The following TANGO2 variants were observed in gnomAD, a reference collection of about 807,000 sequenced individuals.
TANGO2 encodes transport and Golgi organization protein 2 homolog.
Under a neutral mutation model 39.1 loss-of-function variants are expected in TANGO2, and 26 were observed. That is an observed-to-expected ratio of 0.67 (90% CI 0.49 to 0.92). The LOEUF is 0.92. Among genes scored for constraint, TANGO2 ranks in the 40% least tolerant of loss-of-function variants. The probability of loss-of-function intolerance (pLI) is 0.00; values close to 1 mark genes in which losing one functional copy is unlikely to be tolerated. For missense variants in TANGO2, 326 were observed against 360.1 expected (o/e 0.91, Z 0.77); for synonymous variants, 131 against 144.5 (o/e 0.91, Z 0.67).
In TANGO2 at chr22:20,043,373, C is replaced by A; in HGVS notation, c.75C>A (p.Asn25Lys). ...CTTGCAGGCTCATCTTGGCAGCCAA[C>A]AGGGATGAATTCTACAGCCGACCCT... ...KNAYRLILAA[N>K]RDEFYSRPSK... The change falls in exon 3 of 9, where the codon AAC becomes AAA. Residue 25 changes from asparagine to lysine, a missense_variant. Physicochemically the swap from Asn to Lys is moderately conservative, Grantham distance 94. Coordinates refer to ENST00000327374, the MANE Select transcript of TANGO2 (RefSeq NM_152906.7). The A allele has an allele frequency of 6.2e-7, 1 of 1,613,256 alleles. No homozygotes were observed. Among genetic ancestry groups the A allele is most frequent in the Non-Finnish European group, 8.5e-7 (1 of 1,179,378 alleles).
chr22:20,019,437 T>C (rs985547616), upstream of TANGO2: 5 of 152,288 alleles, frequency 3.3e-5, no homozygotes, highest in African/African-American at 1.2e-4. Flanking sequence ...TGGCATCGCA[T>C]GTCATCCAGA....
intron 6 of TANGO2, chr22:20,056,869 C>A (rs1420061212): frequency 2.2e-5 from 10 of 456,556 alleles, no homozygotes; most frequent in Admixed American, 9.4e-5. Context: ...TCGTGGAACT[C>A]TGTGCCTTAA....
chr22:20,018,461 T>A (rs1032926213), upstream of TANGO2, among the ~76,000 whole-genome samples: 1 of 152,170 alleles, frequency 6.6e-6, no homozygotes, highest in Non-Finnish European at 1.5e-5. Context: ...TTCAAGGCCA[T>A]TGGACCCTGG....
intron 1 of TANGO2, among the ~76,000 whole-genome samples, chr22:20,027,313 G>T (rs2040953064): frequency 6.6e-6 from 1 of 152,196 alleles, no homozygotes; most frequent in Admixed American, 6.5e-5. Context: ...GTGAGATTTG[G>T]TGGGGACACA....
chr22:20,018,854 C>A (rs1228465801), upstream of TANGO2, among the ~76,000 whole-genome samples: 1 of 152,096 alleles, frequency 6.6e-6, no homozygotes, highest in Non-Finnish European at 1.5e-5. Flanking sequence ...CCAAGGCAGG[C>A]AAATCACCAG....
At chr22:20,063,515 GC>G in intron 8 of TANGO2, 73 bp downstream of exon 8, 1 of 1,349,594 alleles carries the variant, frequency 7.4e-7, no homozygotes, top group Non-Finnish European at 1.0e-6. Flanking sequence ...CGGCAAAGAA[GC>G]CAAGTGCCCA....
chr22:20,028,690 C>T (rs538387742), intron 1 of TANGO2, among the ~76,000 whole-genome samples: 1 of 152,296 alleles, frequency 6.6e-6, no homozygotes, highest in South Asian at 2.1e-4. Context: ...CGGTCAGATG[C>T]CTGATGCCTG....
rs191606772 is a variant in TANGO2, at chr22:20,060,473, G to A, written c.452-1057G>A. ...GGCCTCACTATTTTGCTATTTTGCC[G>A]AGGCTGGTCTTGAACTCCTGGGCTC... On this transcript the variant is annotated intron_variant, in intron 6 of 8. Coordinates refer to ENST00000327374, the MANE Select transcript of TANGO2 (RefSeq NM_152906.7). 2.6e-5 allele frequency among the ~76,000 whole-genome samples: 4 copies of A among 152,028 alleles called. No individual in the cohort carries two copies. In the East Asian group the frequency reaches 5.8e-4, roughly 22 times the overall value.
At chr22:20,042,755 A>G (rs1455938507) in intron 2 of TANGO2, among the ~76,000 whole-genome samples, 1 of 151,968 alleles carries the variant, frequency 6.6e-6, no homozygotes, top group Non-Finnish European at 1.5e-5. Flanking sequence ...ACACAGAGAG[A>G]CTCCATCTCA....
intron 8 of TANGO2, among the ~76,000 whole-genome samples, chr22:20,064,205 A>T (rs2048893617): frequency 1.3e-5 from 2 of 152,218 alleles, no homozygotes; most frequent in Non-Finnish European, 2.9e-5. Context: ...GTGTCTGGGA[A>T]CCTGGGCCTC....
rs1456172348 is a variant in TANGO2, at chr22:20,066,596, G to A, written c.*1934G>A. Among the ~76,000 whole-genome samples the A allele has an allele frequency of 6.6e-6, 1 of 152,180 alleles. No homozygotes were observed. Among genetic ancestry groups the A allele is most frequent in the South Asian group, 2.1e-4 (1 of 4,828 alleles). On this transcript the variant is annotated 3_prime_UTR_variant, in exon 9 of 9. Coordinates refer to ENST00000327374, the MANE Select transcript of TANGO2 (RefSeq NM_152906.7). ...CATGGCTCACTTTGAACTCAGAAGA[G>A]TTTCCCAGCTGCGACCCAGGCTGCA...
rs746595380 is a variant in TANGO2, at chr22:20,064,533, C to G, written c.711-9C>G. 1 of 1,614,066 alleles carries G rather than the reference C, an allele frequency of 6.2e-7. No homozygotes were observed. The highest frequency in any genetic ancestry group is 8.5e-7 in the Non-Finnish European group (1 of 1,179,978). ...CACCAGGTGAACGAGGGCCCCTGCT[C>G]TCTTTCAGAACCAACACTATCATCC... On this transcript the variant is annotated splice_polypyrimidine_tract_variant and intron_variant, in intron 8 of 8. Transcript: ENST00000327374.
chr22:20,033,264 C>T (rs1196730319), intron 1 of TANGO2: 3 of 523,132 alleles, frequency 5.7e-6, no homozygotes, highest in South Asian at 2.9e-5. Flanking sequence ...GCTCTGCGCC[C>T]ACACCTCCAG....
chr22:20,022,118 C>A (rs557044524), intron 1 of TANGO2, among the ~76,000 whole-genome samples: 9 of 152,372 alleles, frequency 5.9e-5, no homozygotes, highest in African/African-American at 2.2e-4. Flanking sequence ...GGCTTTCTCA[C>A]GCTAGCTCAT....
chr22:20,034,137 G>A (rs142921548), intron 1 of TANGO2, among the ~76,000 whole-genome samples: 2,468 of 152,298 alleles, frequency 0.016, 60 homozygotes, highest in African/African-American at 0.056. Flanking sequence ...CTCGGGGGGC[G>A]GAGGTTGCGG....
Position 20,061,762 on chromosome 22 carries a change from G to A in TANGO2, c.605+79G>A, listed in dbSNP as rs2286482. ...AGGGAAAGGCAGGCCCTGCTGCCCC[G>A]GGAGGCCCATGGAAGTGGCCAGGCT... On this transcript the variant is annotated intron_variant, in intron 7 of 8. Transcript: ENST00000327374. 0.15 allele frequency: 220,740 copies of A among 1,456,882 alleles called. 17,963 individuals are homozygous for A. Among genetic ancestry groups the A allele is most frequent in the Middle Eastern group, 0.19 (763 of 3,974 alleles). The allele number at this position is 1,456,882 out of a possible 1,614,324, so 90.2% of individuals were successfully genotyped here.
chr22:20,054,588 C>G (rs2047006758), intron 5 of TANGO2: 1 of 152,410 alleles, frequency 6.6e-6, no homozygotes, highest in Non-Finnish European at 1.5e-5. Context: ...GTGCAACTCT[C>G]CCGGCTCCAA....
Position 20,064,680 on chromosome 22 carries a change from G to A in TANGO2, c.*18G>A. 6.2e-7 allele frequency: 1 copy of A among 1,613,304 alleles called. No individual in the cohort carries two copies. The highest frequency in any genetic ancestry group is 2.2e-5 in the East Asian group (1 of 44,876). On this transcript the variant is annotated 3_prime_UTR_variant, in exon 9 of 9. Coordinates refer to ENST00000327374, the MANE Select transcript of TANGO2 (RefSeq NM_152906.7). ...AGAGCTAACCCCACCTCTGGGCCTG[G>A]CCAGTGGGCTCCTGGGGGGCCCTGC...
In TANGO2 at chr22:20,066,284, C is replaced by G. The variant is rs1568939277; in HGVS notation, c.*1622C>G. 3 of 152,298 alleles carry G rather than the reference C, an allele frequency of 2.0e-5. No individual in the cohort carries two copies. The highest frequency in any genetic ancestry group is 2.1e-4 in the South Asian group (1 of 4,836). The allele number at this position is 152,298 out of a possible 1,614,324, so 9.4% of individuals were successfully genotyped here. ...GAGCAGGTCTGCATCTGTCTCAGCC[C>G]CAGGAGCTCCTGGTTTGGGGCCAGC... On this transcript the variant is annotated 3_prime_UTR_variant, in exon 9 of 9. Transcript: ENST00000327374.
Sources: allele counts gnomAD v4.1 joint callset (sites outside exome capture counted in the v4.1 genomes callset), GRCh38; gene constraint gnomAD v4.1.1; transcripts MANE v1.5; gene names NCBI Gene and HGNC (gene_info 2026-07-23, HGNC 2026-07-21).